MCM5: variants seen among roughly 807,000 people sequenced by gnomAD.
The protein encoded by MCM5 is minichromosome maintenance complex component 5.
A neutral mutation model predicts 79.9 loss-of-function variants in MCM5; 46 were observed. That is an observed-to-expected ratio of 0.58 (90% confidence interval 0.45 to 0.74). The LOEUF is 0.74. Ranked by LOEUF, MCM5 falls within the 30% of genes least tolerant of loss-of-function variation. MCM5 has a pLI of 0.00. For synonymous variants in MCM5, 404 were observed against 390.5 expected (o/e 1.03, Z -0.41); for missense variants, 883 against 1,017.0 (o/e 0.87, Z 1.79).
the MCM5 span, among the ~76,000 whole-genome samples, chr22:35,446,958 G>T: frequency 1.3e-5 from 2 of 152,200 alleles, no homozygotes; most frequent in Non-Finnish European, 2.9e-5. Context: ...CCCTCCGGGG[G>T]CCTCAGCATC....
At chr22:35,439,997 A>G in the MCM5 span, among the ~76,000 whole-genome samples, 1 of 152,150 alleles carries the variant, frequency 6.6e-6, no homozygotes, top group Non-Finnish European at 1.5e-5. Context: ...AGGAAGAAAT[A>G]AAAAAAATCA....
Position 35,403,309 on chromosome 22 carries a change from G to A in MCM5, c.270G>A (p.Lys90=), listed in dbSNP as rs954721412. 1.2e-6 allele frequency: 2 copies of A among 1,614,162 alleles called. No individual in the cohort carries two copies. The highest frequency in any genetic ancestry group is 1.7e-5 in the Admixed American group (1 of 60,020). ...FDEDLADYLY[K]QPAEHLQLLE... is the part of the protein sequence containing the mutation. The stretch of plus-strand genomic sequence containing the variant: ...AGGACCTGGCCGACTACTTGTACAA[G>A]CAGCCAGCCGAGCACCTGCAGCTGG... The change falls in exon 3 of 17, where the codon AAG becomes AAA. Residue 90 remains lysine (K), a synonymous_variant. Coordinates refer to ENST00000216122, the MANE Select transcript of MCM5 (RefSeq NM_006739.4).
rs578076845 is a variant in MCM5, at chr22:35,424,443, C to G, written c.*188C>G. The G allele has an allele frequency of 3.7e-6, 2 of 546,344 alleles. No individual in the cohort carries two copies. The highest frequency in any genetic ancestry group is 3.2e-5 in the East Asian group (1 of 31,200). 33.8% of individuals were successfully genotyped at this position (546,344 alleles called of 1,614,324 possible). On this transcript the variant is annotated 3_prime_UTR_variant, in exon 17 of 17. Coordinates refer to ENST00000216122, the MANE Select transcript of MCM5 (RefSeq NM_006739.4). ...TGCCTCTGGGCGCCCGCCTCTAGCG[C>G]GGTTCTGGGAAGTGTGCTTTTGGCA...
At chr22:35,421,527 G>T in intron 15 of MCM5, 67 bp downstream of exon 15, 2 of 1,598,906 alleles carry the variant, frequency 1.3e-6, no homozygotes. Context: ...CTGTGGGCAG[G>T]GCTCTGGCCT....
intron 15 of MCM5, chr22:35,421,719 C>A: frequency 1.9e-6 from 1 of 528,848 alleles, no homozygotes; most frequent in Non-Finnish European, 3.5e-6. Flanking sequence ...GATGATAACC[C>A]TTCTCACTGG....
At chr22:35,426,427 G>C (rs133436), downstream of MCM5, among the ~76,000 whole-genome samples, 31,828 of 151,972 alleles carry the variant, frequency 0.21, 3,630 homozygotes, top group African/African-American at 0.29. Flanking sequence ...GTGGGGCAAG[G>C]GGGGGAGCTG....
rs1420490197 is a variant in MCM5, at chr22:35,424,408, A to G, written c.*153A>G. On this transcript the variant is annotated 3_prime_UTR_variant, in exon 17 of 17. Transcript: ENST00000216122. ...TTTCTGCCCCAGAGGAAGGAGCTGT[A>G]GTGTCCTGCTGCCTCTGGGCGCCCG... 3 of 606,500 alleles carry G rather than the reference A, an allele frequency of 4.9e-6. No individual in the cohort carries two copies. Among genetic ancestry groups the G allele is most frequent in the Admixed American group, 6.6e-5 (2 of 30,124 alleles). The allele number at this position is 606,500 out of a possible 1,614,324, so 37.6% of individuals were successfully genotyped here.
chr22:35,438,964 C>G, the MCM5 span, among the ~76,000 whole-genome samples: 36 of 151,054 alleles, frequency 2.4e-4, no homozygotes, highest in Non-Finnish European at 1.6e-4. Flanking sequence ...TCCACCCACC[C>G]ACATATTCAT....
chr22:35,448,389 G>A, the MCM5 span, among the ~76,000 whole-genome samples: 3 of 141,514 alleles, frequency 2.1e-5, no homozygotes, highest in Non-Finnish European at 4.5e-5. Context: ...CCTCTGCAGA[G>A]TCCTCCCCAC....
chr22:35,430,317 T>A, downstream of MCM5, among the ~76,000 whole-genome samples: 3 of 152,324 alleles, frequency 2.0e-5, 1 homozygote, highest in South Asian at 6.2e-4. Context: ...TAGTGTGGGC[T>A]GAGTATAGTG....
At chr22:35,449,299 A>G in the MCM5 span, among the ~76,000 whole-genome samples, 1 of 152,194 alleles carries the variant, frequency 6.6e-6, no homozygotes, top group Non-Finnish European at 1.5e-5. Context: ...AACGAAGCAG[A>G]AATGAATCGC....
the MCM5 span, among the ~76,000 whole-genome samples, chr22:35,450,781 A>G: frequency 2.6e-4 from 39 of 151,754 alleles, no homozygotes; most frequent in Non-Finnish European, 4.7e-4. Context: ...CCATTTGTCA[A>G]TGAGGAAAGA....
At chr22:35,452,366 C>T in the MCM5 span, among the ~76,000 whole-genome samples, 2 of 152,184 alleles carry the variant, frequency 1.3e-5, no homozygotes, top group African/African-American at 4.8e-5. Context: ...TTTCTGTTGT[C>T]TGCCTACAGT....
Position 35,416,320 on chromosome 22 carries a change from T to G in MCM5, c.1348-19T>G. On this transcript the variant is annotated intron_variant, in intron 10 of 16. Coordinates refer to ENST00000216122, the MANE Select transcript of MCM5 (RefSeq NM_006739.4). ...CTCACTTCAGTAGGTCTGATGATAT[T>G]TCTCTCTTCCCCACTTAGATGCGAG... 1 of 1,612,730 alleles carries G rather than the reference T, an allele frequency of 6.2e-7. No homozygotes were observed. Among genetic ancestry groups the G allele is most frequent in the South Asian group, 1.1e-5 (1 of 91,060 alleles).
At chr22:35,447,172 G>A in the MCM5 span, among the ~76,000 whole-genome samples, 10 of 152,284 alleles carry the variant, frequency 6.6e-5, no homozygotes, top group Non-Finnish European at 1.0e-4. Flanking sequence ...CGTCCCTCTC[G>A]GTGTTGCTGT....
At chr22:35,403,636 G>C in intron 4 of MCM5, 94 bp downstream of exon 4, 1 of 1,481,616 alleles carries the variant, frequency 6.7e-7, no homozygotes, top group Non-Finnish European at 9.2e-7. Context: ...TGAGGCACTT[G>C]ACCTTTCTGA....
At chr22:35,415,448 G>T (rs1052652615) in intron 9 of MCM5, among the ~76,000 whole-genome samples, 3 of 152,000 alleles carry the variant, frequency 2.0e-5, no homozygotes, top group African/African-American at 7.3e-5. Flanking sequence ...GACGACAAGG[G>T]ACTCACGATG....
the MCM5 span, among the ~76,000 whole-genome samples, chr22:35,438,261 AC>A: frequency 2.5e-5 from 1 of 40,446 alleles, no homozygotes; most frequent in Non-Finnish European, 4.7e-5. Context: ...CCACCCACCC[AC>A]CCACCCACCC....
In MCM5 at chr22:35,400,943, C is replaced by T. The variant is rs181914694; in HGVS notation, c.167+338C>T. Among the ~76,000 whole-genome samples, 1,079 of 152,284 alleles carry T rather than the reference C, an allele frequency of 7.1e-3. 2 individuals are homozygous for T. The highest frequency in any genetic ancestry group is 0.011 in the Non-Finnish European group (741 of 68,018). The stretch of plus-strand genomic sequence containing the variant: ...CAAGCGATTCTTGTGCCTCAGCCTC[C>T]CGAGTAGGTGGGACTACCCCCGCCA... On this transcript the variant is annotated intron_variant, in intron 2 of 16. Transcript: ENST00000216122.
Sources: allele counts gnomAD v4.1 joint callset (sites outside exome capture counted in the v4.1 genomes callset), GRCh38; gene constraint gnomAD v4.1.1; transcripts MANE v1.5; gene names NCBI Gene and HGNC (gene_info 2026-07-23, HGNC 2026-07-21).